The following RIMKLB variants were observed in gnomAD, a reference collection of about 807,000 sequenced individuals.
RIMKLB encodes the protein ribosomal modification protein rimK like family member B, also known as beta-citrylglutamate synthase B.
RIMKLB carries 7 observed loss-of-function variants against 32.0 expected under a neutral mutation model. The ratio of observed to expected loss-of-function variants is 0.22; its 90% CI spans 0.12 to 0.41. RIMKLB has a LOEUF of 0.41. Among genes scored for constraint, RIMKLB ranks in the 10% least tolerant of loss-of-function variants. The pLI is 1.00. For synonymous variants in RIMKLB, 172 were observed against 185.1 expected (o/e 0.93, Z 0.57); for missense variants, 289 against 498.7 (o/e 0.58, Z 4.00).
rs972672129 is a variant in RIMKLB at position 8,777,077 on chromosome 12, G to A, written c.*3293G>A. On this transcript the variant is annotated 3_prime_UTR_variant, in exon 6 of 6. Coordinates refer to ENST00000535829, the MANE Select transcript of RIMKLB (RefSeq NM_001297776.2). ...CTAAGAAAATGTAGGTGCTCAGACA[G>A]GTAACCACTGCTGCTACTGTTTTTA... 1 of 985,796 alleles carries A rather than the reference G, an allele frequency of 1.0e-6. No individual in the cohort carries two copies. The highest frequency in any genetic ancestry group is 4.7e-5 in the South Asian group (1 of 21,276). The allele number at this position is 985,796 out of a possible 1,614,324, so 61.1% of individuals were successfully genotyped here.
At chr12:8,692,554 A>G (rs1280411281), upstream of RIMKLB, among the ~76,000 whole-genome samples, 3 of 152,210 alleles carry the variant, frequency 2.0e-5, no homozygotes, top group Non-Finnish European at 2.9e-5. Flanking sequence ...CAATTAAAGA[A>G]GTAGGGGGAA....
Position 8,774,882 on chromosome 12 carries a change from G to T in RIMKLB, c.*1098G>T, listed in dbSNP as rs764793484. On this transcript the variant is annotated 3_prime_UTR_variant, in exon 6 of 6. Coordinates refer to ENST00000535829, the MANE Select transcript of RIMKLB (RefSeq NM_001297776.2). ...ATTTTACGAGGGAGTATATGTGTAT[G>T]TGTGTGCACGCATGCATGTGTATGT... 1.0e-6 allele frequency: 1 copy of T among 985,704 alleles called. No individual in the cohort carries two copies. Among genetic ancestry groups the T allele is most frequent in the Non-Finnish European group, 1.2e-6 (1 of 829,852 alleles). 61.1% of individuals were successfully genotyped at this position (985,704 alleles called of 1,614,324 possible). A position where few individuals can be genotyped will look rare whatever the true frequency, so the allele number is the denominator to read the frequency against.
intron 2 of RIMKLB, chr12:8,742,769 C>A: frequency 4.5e-6 from 1 of 224,390 alleles, no homozygotes; most frequent in South Asian, 6.9e-5. Context: ...TAACCAAGTC[C>A]AGGCAGCTTT....
At chr12:8,682,260 G>C (rs1017626770) in intron 1 of RIMKLB, among the ~76,000 whole-genome samples, 2 of 152,196 alleles carry the variant, frequency 1.3e-5, no homozygotes, top group African/African-American at 4.8e-5. Context: ...AACCTCCAGA[G>C]TCTTGTCGTC....
the RIMKLB span, among the ~76,000 whole-genome samples, chr12:8,674,497 C>T: frequency 6.6e-6 from 1 of 151,118 alleles, no homozygotes; most frequent in Non-Finnish European, 1.5e-5. Flanking sequence ...CCTCGGCCTC[C>T]CAAAGTGCTG....
At chr12:8,748,538 G>GTGTGTA (rs1489256571) in intron 2 of RIMKLB, among the ~76,000 whole-genome samples, 1 of 109,746 alleles carries the variant, frequency 9.1e-6, no homozygotes, top group Non-Finnish European at 2.1e-5. Context: ...GTGTGTGTGT[G>GTGTGTA]TGTGTGTGTG....
chr12:8,720,097 A>G (rs779872813), intron 2 of RIMKLB, among the ~76,000 whole-genome samples: 1 of 152,336 alleles, frequency 6.6e-6, no homozygotes, highest in East Asian at 1.9e-4. Flanking sequence ...GTATAGCTAG[A>G]TGATGGAACT....
intron 5 of RIMKLB, among the ~76,000 whole-genome samples, chr12:8,759,390 G>A (rs759020686): frequency 1.3e-5 from 2 of 152,044 alleles, no homozygotes; most frequent in Non-Finnish European, 1.5e-5. Flanking sequence ...GCAAGACTCC[G>A]TCTCTAAATA....
intron 1 of RIMKLB, among the ~76,000 whole-genome samples, chr12:8,698,657 C>T (rs1397414186): frequency 6.6e-6 from 1 of 152,044 alleles, no homozygotes; most frequent in Admixed American, 6.5e-5. Flanking sequence ...CGGCTGGAGT[C>T]GGACCCGCGG....
intron 7 of RIMKLB, among the ~76,000 whole-genome samples, chr12:8,782,452 C>A (rs1951146667): frequency 1.3e-5 from 2 of 152,042 alleles, no homozygotes; most frequent in Admixed American, 6.5e-5. Context: ...AAATAAGTCA[C>A]AAAACTTGCA....
the RIMKLB span, chr12:8,668,778 G>C: frequency 6.6e-6 from 1 of 152,134 alleles, no homozygotes. Context: ...CTGAGATGAT[G>C]ACAGCACCAG....
chr12:8,714,741 T>G (rs1292465395), intron 2 of RIMKLB, among the ~76,000 whole-genome samples: 1 of 152,200 alleles, frequency 6.6e-6, no homozygotes, highest in Non-Finnish European at 1.5e-5. Context: ...TTTGAAAGTT[T>G]TATGGCTTAC....
At chr12:8,782,532 C>T (rs1266367814) in intron 7 of RIMKLB, among the ~76,000 whole-genome samples, 1 of 151,884 alleles carries the variant, frequency 6.6e-6, no homozygotes, top group Non-Finnish European at 1.5e-5. Context: ...ATATTATGGA[C>T]CTATAAATTG....
chr12:8,781,519 C>A (rs1257287488), downstream of RIMKLB, among the ~76,000 whole-genome samples: 1 of 152,144 alleles, frequency 6.6e-6, no homozygotes, highest in Non-Finnish European at 1.5e-5. Flanking sequence ...GCCATCAGTT[C>A]CACCCTGCCT....
rs1274282527 is a variant in RIMKLB, at chr12:8,769,774, CT to C, written c.698-3545del. The stretch of plus-strand genomic sequence containing the variant: ...ATTTTCCTTGATACTTTATTTACTA[CT>C]TCACTGTATCATCATAATAATAATG... On this transcript the variant is annotated intron_variant, in intron 5 of 5. Transcript: ENST00000535829. Among the ~76,000 whole-genome samples the C allele has an allele frequency of 3.9e-5, 6 of 152,240 alleles. No homozygotes were observed. The East Asian group carries it at 1.2e-3, about 29-fold the overall frequency.
At chr12:8,741,550 C>T (rs1012247120) in intron 2 of RIMKLB, among the ~76,000 whole-genome samples, 2 of 151,674 alleles carry the variant, frequency 1.3e-5, no homozygotes, top group Non-Finnish European at 2.9e-5. Context: ...GGTGGTGAGG[C>T]GGGTGGATCA....
intron 2 of RIMKLB, among the ~76,000 whole-genome samples, chr12:8,718,302 CCA>C (rs754817491): frequency 6.6e-6 from 1 of 152,120 alleles, no homozygotes; most frequent in Non-Finnish European, 1.5e-5. Flanking sequence ...AAAAATATTT[CCA>C]GTTTTATGCT....
rs756118104 is a variant in RIMKLB at position 8,775,738 on chromosome 12, T to G, written c.*1954T>G. 10 of 985,194 alleles carry G rather than the reference T, an allele frequency of 1.0e-5. No individual in the cohort carries two copies. The South Asian group carries it at 1.4e-4, about 14-fold the overall frequency. The allele number at this position is 985,194 out of a possible 1,614,324, so 61.0% of individuals were successfully genotyped here. ...TATTAAAATTGAGTGAAAGGTTGATTGTTGATGAATAGAATAGTACCTCTC... is the reference window on the plus strand; with the variant it reads ...TATTAAAATTGAGTGAAAGGTTGATGGTTGATGAATAGAATAGTACCTCTC... On this transcript the variant is annotated 3_prime_UTR_variant, in exon 6 of 6. Coordinates refer to ENST00000535829, the MANE Select transcript of RIMKLB (RefSeq NM_001297776.2).
intron 1 of RIMKLB, among the ~76,000 whole-genome samples, chr12:8,707,736 A>G (rs1040580937): frequency 2.0e-5 from 3 of 152,216 alleles, no homozygotes; most frequent in Non-Finnish European, 4.4e-5. Flanking sequence ...GCATACAGAA[A>G]GACATCATTT....
Sources: allele counts gnomAD v4.1 joint callset (sites outside exome capture counted in the v4.1 genomes callset), GRCh38; gene constraint gnomAD v4.1.1; transcripts MANE v1.5; gene names NCBI Gene and HGNC (gene_info 2026-07-23, HGNC 2026-07-21).